CAST: variants seen among roughly 807,000 people sequenced by gnomAD.
CAST encodes MIR583 host.
CAST carries 76 observed loss-of-function variants against 119.6 expected under a neutral mutation model. The ratio of observed to expected loss-of-function variants is 0.64; its 90% CI spans 0.53 to 0.77. The LOEUF is 0.77. Ranked by LOEUF, CAST falls within the 30% of genes least tolerant of loss-of-function variation. The pLI is 0.00. For missense variants in CAST, 953 were observed against 946.5 expected (o/e 1.01, Z -0.09); for synonymous variants, 319 against 331.6 (o/e 0.96, Z 0.41).
the CAST span, among the ~76,000 whole-genome samples, chr5:96,219,153 C>T: frequency 0.025 from 3,752 of 152,120 alleles, 164 homozygotes; most frequent in African/African-American, 0.086. Flanking sequence ...ATTGTTTGAG[C>T]TATGTCATGA....
At chr5:96,199,262 C>A in the CAST span, among the ~76,000 whole-genome samples, 1 of 151,962 alleles carries the variant, frequency 6.6e-6, no homozygotes, top group African/African-American at 2.4e-5. Flanking sequence ...CTTTGGTGTT[C>A]ATTGTTTAAG....
the CAST span, among the ~76,000 whole-genome samples, chr5:96,019,676 G>T: frequency 2.6e-5 from 4 of 152,160 alleles, no homozygotes; most frequent in Non-Finnish European, 4.4e-5. Flanking sequence ...GGTCCTGGGG[G>T]TACCTAACTC....
At chr5:96,325,157 T>A in the CAST span, among the ~76,000 whole-genome samples, 3 of 151,942 alleles carry the variant, frequency 2.0e-5, no homozygotes, top group South Asian at 4.1e-4. Flanking sequence ...TTACCTGAGA[T>A]CACACCACTC....
At chr5:96,253,962 T>TA in the CAST span, among the ~76,000 whole-genome samples, 22 of 103,780 alleles carry the variant, frequency 2.1e-4, 1 homozygote, top group African/African-American at 4.3e-4. Context: ...GCCCAGTGGT[T>TA]AAAAAAAAAG....
At chr5:96,349,762 C>T in the CAST span, among the ~76,000 whole-genome samples, 1 of 152,024 alleles carries the variant, frequency 6.6e-6, no homozygotes. Flanking sequence ...GACAGGGAGC[C>T]AGTAAACTCC....
chr5:96,360,285 C>G, the CAST span, among the ~76,000 whole-genome samples: 1 of 151,966 alleles, frequency 6.6e-6, no homozygotes, highest in Admixed American at 6.6e-5. Flanking sequence ...AGAACATGCT[C>G]CTTTAGCTCA....
At chr5:96,663,114 A>T (rs1392333817) in intron 1 of CAST, 1 of 702,538 alleles carries the variant, frequency 1.4e-6, no homozygotes, top group East Asian at 2.7e-5. Context: ...CGCCGTGCGG[A>T]TCGGAGCCAG....
the CAST span, among the ~76,000 whole-genome samples, chr5:96,194,789 T>C: frequency 1.3e-5 from 2 of 152,236 alleles, no homozygotes; most frequent in African/African-American, 4.8e-5. Context: ...TGTGGCATAA[T>C]TTGCCATATC....
intron 1 of CAST, among the ~76,000 whole-genome samples, chr5:96,664,823 A>G (rs1240727699): frequency 1.3e-5 from 2 of 152,128 alleles, no homozygotes; most frequent in Non-Finnish European, 2.9e-5. Flanking sequence ...TACATGTAGC[A>G]TTTGATTGAT....
intron 3 of CAST, chr5:96,714,829 C>G (rs931954647): frequency 1.2e-4 from 19 of 152,128 alleles, no homozygotes; most frequent in African/African-American, 4.3e-4. Context: ...CACTGGAAAA[C>G]TAGAGTTTGG....
At chr5:96,587,501 T>C (rs1746881777) in intron 1 of CAST, among the ~76,000 whole-genome samples, 2 of 152,336 alleles carry the variant, frequency 1.3e-5, no homozygotes, top group Middle Eastern at 3.4e-3. Flanking sequence ...ATATTTTGAA[T>C]ATCATCTTTG....
the CAST span, among the ~76,000 whole-genome samples, chr5:96,333,369 C>CT: frequency 6.6e-6 from 1 of 152,130 alleles, no homozygotes; most frequent in Non-Finnish European, 1.5e-5. Context: ...GAATGAGCAG[C>CT]CTTTTCCTGT....
chr5:96,462,970 A>C, the CAST span, among the ~76,000 whole-genome samples: 1 of 152,064 alleles, frequency 6.6e-6, no homozygotes, highest in Non-Finnish European at 1.5e-5. Flanking sequence ...CAGCCATGTG[A>C]AACTGTGAGT....
the CAST span, chr5:96,391,176 A>G: frequency 1.3e-5 from 2 of 152,226 alleles, no homozygotes; most frequent in African/African-American, 2.4e-5. Flanking sequence ...CTTTTAGGAG[A>G]ACATTCTCTA....
intron 1 of CAST, among the ~76,000 whole-genome samples, chr5:96,651,657 C>T (rs1289098209): frequency 2.0e-5 from 3 of 152,190 alleles, no homozygotes; most frequent in Non-Finnish European, 4.4e-5. Flanking sequence ...CATGCCCCAC[C>T]TCCAAACCCT....
the CAST span, among the ~76,000 whole-genome samples, chr5:96,108,757 T>C: frequency 1.8e-3 from 271 of 152,358 alleles, 3 homozygotes; most frequent in South Asian, 0.024. Flanking sequence ...TCCACCCAGT[T>C]GGAGCTTGCC....
the CAST span, among the ~76,000 whole-genome samples, chr5:96,076,503 G>C: frequency 1.3e-5 from 2 of 152,134 alleles, no homozygotes; most frequent in African/African-American, 4.8e-5. Flanking sequence ...CCTTCTGCGT[G>C]TAAATAAAAA....
At chr5:96,635,435 T>G (rs748657663) in intron 1 of CAST, among the ~76,000 whole-genome samples, 1 of 152,184 alleles carries the variant, frequency 6.6e-6, no homozygotes, top group Non-Finnish European at 1.5e-5. Context: ...TTTCATATAA[T>G]CAAGAGGTTG....
At position 96,559,136 on chromosome 5, in the gene CAST, C is replaced by T. The variant is rs263393; in HGVS notation, c.60+29256C>T. On this transcript the variant is annotated intron_variant, in intron 1 of 11. Transcript: ENST00000505143. ...TGATTATCTCAATAGATGCAGAAAA[C>T]GCCTTTGACAAAATTCAACAACCCT... 3.9e-3 allele frequency among the ~76,000 whole-genome samples: 587 copies of T among 151,828 alleles called. 5 individuals are homozygous for T. Among genetic ancestry groups the T allele is most frequent in the African/African-American group, 0.013 (539 of 41,442 alleles).
Sources: allele counts gnomAD v4.1 joint callset (sites outside exome capture counted in the v4.1 genomes callset), GRCh38; gene constraint gnomAD v4.1.1; transcripts MANE v1.5; gene names NCBI Gene and HGNC (gene_info 2026-07-23, HGNC 2026-07-21).